ATP5F1A: variants seen among roughly 807,000 people sequenced by gnomAD.
ATP5F1A encodes the protein ATP synthase F1 subunit alpha, also known as ATP synthase F(1) complex subunit alpha, mitochondrial.
ATP5F1A carries 24 observed loss-of-function variants against 57.4 expected under a neutral mutation model. The ratio of observed to expected loss-of-function variants is 0.42; its 90% CI spans 0.30 to 0.59. The LOEUF (loss-of-function observed/expected upper bound fraction) is 0.59, where lower values mean the gene tolerates loss of function less well. ATP5F1A is among the 20% of genes least tolerant of loss of function. The probability of loss-of-function intolerance (pLI) is 0.19; values close to 1 mark genes in which losing one functional copy is unlikely to be tolerated. For missense variants in ATP5F1A, 494 were observed against 707.9 expected, an observed-to-expected ratio of 0.70 and a Z score of 3.43; for synonymous variants, 251 against 255.5, an observed-to-expected ratio of 0.98 and a Z score of 0.17.
At chr18:46,104,187 C>T in exon 1 of ATP5F1A, 1 of 404,854 alleles carries the variant, frequency 2.5e-6, no homozygotes. Flanking sequence ...CCGCGGAAGG[C>T]GGGAAGAGCT....
At chr18:46,087,547 A>C in intron 6 of ATP5F1A, 55 bp from the exon 7 acceptor site, 1 of 1,582,454 alleles carries the variant, frequency 6.3e-7, no homozygotes, top group Non-Finnish European at 8.6e-7. Flanking sequence ...ATTGGAGGCT[A>C]CTATAAAAAT....
upstream of ATP5F1A, among the ~76,000 whole-genome samples, chr18:46,102,452 T>C (rs1021810486): frequency 6.6e-6 from 1 of 151,984 alleles, no homozygotes. Context: ...GCCTCCCAAG[T>C]GGCTGGGATT....
chr18:46,086,953 G>T, intron 8 of ATP5F1A, 55 bp downstream of exon 8: 1 of 1,562,576 alleles, frequency 6.4e-7, no homozygotes, highest in Non-Finnish European at 8.8e-7. Flanking sequence ...CTCAACCAAT[G>T]CCTTAGAATT....
intron 1 of ATP5F1A, among the ~76,000 whole-genome samples, chr18:46,096,418 T>C (rs563689219): frequency 4.1e-5 from 6 of 144,682 alleles, no homozygotes; most frequent in Admixed American, 1.5e-4. Context: ...GAGAATCGCT[T>C]GAACCTGGGA....
chr18:46,086,355 G>A, intron 9 of ATP5F1A, 32 bp downstream of exon 9: 2 of 1,612,676 alleles, frequency 1.2e-6, no homozygotes, highest in Non-Finnish European at 1.7e-6. Flanking sequence ...TCTAATGATA[G>A]CCCCCTTACT....
chr18:46,091,548 G>C (rs906243874), intron 3 of ATP5F1A, 134 bp downstream of exon 3: 3 of 978,008 alleles, frequency 3.1e-6, no homozygotes, highest in Non-Finnish European at 4.4e-6. Flanking sequence ...TACAATCTAT[G>C]ATAATAACAA....
upstream of ATP5F1A, among the ~76,000 whole-genome samples, chr18:46,099,053 T>C (rs376586126): frequency 7.1e-5 from 9 of 127,294 alleles, no homozygotes; most frequent in African/African-American, 2.6e-4. Context: ...CATTTACCTG[T>C]GTAACAAACC....
At chr18:46,098,899 A>G (rs531504299), upstream of ATP5F1A, among the ~76,000 whole-genome samples, 31 of 152,222 alleles carry the variant, frequency 2.0e-4, no homozygotes, top group Non-Finnish European at 3.5e-4. Context: ...GATTCATTCT[A>G]AAAGAATCCT....
At chr18:46,093,195 T>G (rs937491978) in intron 2 of ATP5F1A, 1 of 151,944 alleles carries the variant, frequency 6.6e-6, no homozygotes, top group African/African-American at 2.4e-5. Context: ...ACAAAGTGTG[T>G]CTTTCTCTTT....
chr18:46,080,681 C>T lies in ATP5F1A; in HGVS notation c.*3601G>A, dbSNP rs1473009277. 6.6e-6 allele frequency: 1 copy of T among 152,094 alleles called. No homozygotes were observed. Among genetic ancestry groups the T allele is most frequent in the Non-Finnish European group, 1.5e-5 (1 of 68,018 alleles). The allele number at this position is 152,094 out of a possible 1,614,324, so 9.4% of individuals were successfully genotyped here. A position where few individuals can be genotyped will look rare whatever the true frequency, so the allele number is the denominator to read the frequency against. On this transcript the variant is annotated 3_prime_UTR_variant, in exon 12 of 12. Transcript: ENST00000398752. Reference sequence around the variant, plus strand: ...CTGGAGTGCAGTGGCGTGATCATAGCTGACTGCAGCCTGTTTCAAACTCCT... The same window carrying T: ...CTGGAGTGCAGTGGCGTGATCATAGTTGACTGCAGCCTGTTTCAAACTCCT...
chr18:46,086,098 A>G lies in ATP5F1A; in HGVS notation c.1429+15T>C, dbSNP rs1305883284. 6.2e-7 allele frequency: 1 copy of G among 1,610,640 alleles called. No homozygotes were observed. On this transcript the variant is annotated intron_variant, in intron 10 of 11. Transcript: ENST00000398752. ...ACAATAGGAACCTGACCAAATGAAG[A>G]AAAGAACAACTTACAATACTGTCCT...
At chr18:46,084,744 T>C in intron 10 of ATP5F1A, 90 bp from the exon 11 acceptor site, 1 of 1,321,146 alleles carries the variant, frequency 7.6e-7, no homozygotes, top group Admixed American at 2.9e-5. Context: ...TTTTCTCCAA[T>C]TCCTAACATG....
chr18:46,097,850 C>T (rs1034104036), intron 1 of ATP5F1A: 43 of 1,158,196 alleles, frequency 3.7e-5, no homozygotes, highest in Middle Eastern at 3.5e-4. Flanking sequence ...TCAGAACAGG[C>T]CTCGGAGAGC....
chr18:46,098,155 C>T lies in ATP5F1A; in HGVS notation c.60+17G>A. 2 of 1,596,814 alleles carry T rather than the reference C, an allele frequency of 1.3e-6. No individual in the cohort carries two copies. The highest frequency in any genetic ancestry group is 1.7e-6 in the Non-Finnish European group (2 of 1,175,216). On this transcript the variant is annotated intron_variant, in intron 1 of 11. Coordinates refer to ENST00000398752, the MANE Select transcript of ATP5F1A (RefSeq NM_004046.6). ...CCCCACCCGGCCGCCTGCATCATGCCGGCCTTCGGTGCTCACCAGTCCGGC... is the reference window on the plus strand; with the variant it reads ...CCCCACCCGGCCGCCTGCATCATGCTGGCCTTCGGTGCTCACCAGTCCGGC...
chr18:46,091,911 A>G (rs1910583467), intron 2 of ATP5F1A, 60 bp from the exon 3 acceptor site: 3 of 1,519,478 alleles, frequency 2.0e-6, no homozygotes, highest in Non-Finnish European at 2.7e-6. Flanking sequence ...AGTGGCTCAC[A>G]GCTGTAATCC....
intron 7 of ATP5F1A, 37 bp from the exon 8 acceptor site, chr18:46,087,269 A>G: frequency 6.2e-7 from 1 of 1,611,586 alleles, no homozygotes; most frequent in Non-Finnish European, 8.5e-7. Context: ...TTAACCTATT[A>G]AATAGAAGTT....
chr18:46,085,984 G>A, intron 10 of ATP5F1A, 129 bp downstream of exon 10: 1 of 983,662 alleles, frequency 1.0e-6, no homozygotes, highest in Admixed American at 3.2e-5. Context: ...TTAAGTAAAA[G>A]TGCCTTTGAT....
chr18:46,097,582 T>C (rs939125572), intron 1 of ATP5F1A, among the ~76,000 whole-genome samples: 4 of 152,174 alleles, frequency 2.6e-5, no homozygotes, highest in African/African-American at 9.6e-5. Flanking sequence ...CCACATGAAA[T>C]GGTTCTTTGC....
chr18:46,087,587 A>G, intron 6 of ATP5F1A, 95 bp from the exon 7 acceptor site: 1 of 1,415,938 alleles, frequency 7.1e-7, no homozygotes, highest in East Asian at 2.5e-5. Flanking sequence ...TTTACCATTA[A>G]GAGTTAATCA....
Sources: gnomAD v4.1 joint callset for allele counts (sites outside exome capture counted in the v4.1 genomes callset) on GRCh38, gnomAD v4.1.1 for gene constraint, MANE v1.5 for transcripts, NCBI Gene and HGNC (gene_info 2026-07-23, HGNC 2026-07-21) for gene names.